Variants in KCNIP1 observed in about 807,000 individuals in gnomAD.
The protein encoded by KCNIP1 is potassium voltage-gated channel interacting protein 1, also known as A-type potassium channel modulatory protein KCNIP1.
KCNIP1 carries 18 observed loss-of-function variants against 33.0 expected under a neutral mutation model. That is an observed-to-expected ratio of 0.55 (90% confidence interval 0.38 to 0.81). KCNIP1 has a LOEUF of 0.81. Among genes scored for constraint, KCNIP1 ranks in the 30% least tolerant of loss-of-function variants. The pLI is 0.00. For synonymous variants in KCNIP1, 93 were observed against 98.3 expected, an observed-to-expected ratio of 0.95 and a Z score of 0.32; for missense variants, 238 against 271.6, an observed-to-expected ratio of 0.88 and a Z score of 0.87.
At chr5:170,509,277 G>C (rs1754839933) in intron 1 of KCNIP1, among the ~76,000 whole-genome samples, 1 of 152,204 alleles carries the variant, frequency 6.6e-6, no homozygotes, top group African/African-American at 2.4e-5. Flanking sequence ...ACAAAGGTAT[G>C]AGGAACCCAC....
At chr5:170,361,010 G>A (rs1299106538) in intron 1 of KCNIP1, among the ~76,000 whole-genome samples, 2 of 152,220 alleles carry the variant, frequency 1.3e-5, no homozygotes, top group Admixed American at 6.5e-5. Flanking sequence ...CAGCCAGAAC[G>A]ACCTGGATGA....
intron 1 of KCNIP1, among the ~76,000 whole-genome samples, chr5:170,692,564 T>G (rs903023941): frequency 1.3e-5 from 2 of 152,216 alleles, no homozygotes; most frequent in Non-Finnish European, 2.9e-5. Context: ...TTCATGCACT[T>G]ACTCCCTGTG....
chr5:170,461,311 C>A (rs1297265849), intron 1 of KCNIP1, among the ~76,000 whole-genome samples: 1 of 152,100 alleles, frequency 6.6e-6, no homozygotes, highest in Non-Finnish European at 1.5e-5. Flanking sequence ...AAAAAACAGT[C>A]TTAAAATTCA....
intron 7 of KCNIP1, among the ~76,000 whole-genome samples, chr5:170,734,764 ACATAAACATCACAGC>A (rs1405086163): frequency 6.6e-6 from 1 of 152,256 alleles, no homozygotes; most frequent in Non-Finnish European, 1.5e-5. Flanking sequence ...TCAAGCACAT[ACATAAACATCACAGC>A]CACCCTGTTA....
At chr5:170,678,928 C>T (rs1022495498) in intron 1 of KCNIP1, 1 of 152,110 alleles carries the variant, frequency 6.6e-6, no homozygotes, top group African/African-American at 2.4e-5. Context: ...ATTGACTTAC[C>T]AGAAACATGG....
chr5:170,509,979 T>C (rs1754874230), intron 1 of KCNIP1, among the ~76,000 whole-genome samples: 1 of 152,200 alleles, frequency 6.6e-6, no homozygotes, highest in African/African-American at 2.4e-5. Flanking sequence ...TGTATATTTA[T>C]CCACTCATTT....
chr5:170,419,067 A>G (rs1216042137), intron 1 of KCNIP1, among the ~76,000 whole-genome samples: 1 of 152,266 alleles, frequency 6.6e-6, no homozygotes, highest in East Asian at 1.9e-4. Flanking sequence ...TGCAAAGTCT[A>G]CGTGGTTAGT....
rs149702566 is a variant in KCNIP1, at chr5:170,610,155, C to T, written c.61+105522C>T. Among the ~76,000 whole-genome samples the T allele has an allele frequency of 7.2e-5, 11 of 152,308 alleles. No individual in the cohort carries two copies. The East Asian group carries it at 2.1e-3, about 29-fold the overall frequency. ...CTGTTAGATTGTCCCTCTCCACCCTCGAATCTGGGAGTCAGGCCCAGGCAT... is the reference window on the plus strand; with the variant it reads ...CTGTTAGATTGTCCCTCTCCACCCTTGAATCTGGGAGTCAGGCCCAGGCAT... On this transcript the variant is annotated intron_variant, in intron 1 of 7. Transcript: ENST00000328939.
At chr5:170,450,797 T>G (rs560137187) in intron 1 of KCNIP1, among the ~76,000 whole-genome samples, 18 of 152,280 alleles carry the variant, frequency 1.2e-4, no homozygotes, top group African/African-American at 4.1e-4. Flanking sequence ...ATTTTGAGGC[T>G]GATAAAATCC....
chr5:170,546,679 C>T (rs200932261), intron 1 of KCNIP1, among the ~76,000 whole-genome samples: 1 of 151,546 alleles, frequency 6.6e-6, no homozygotes, highest in East Asian at 1.9e-4. Flanking sequence ...TGCGGCTTTT[C>T]TTTTTTTTTC....
At chr5:170,701,147 T>G (rs1412650527) in intron 1 of KCNIP1, among the ~76,000 whole-genome samples, 1 of 152,106 alleles carries the variant, frequency 6.6e-6, no homozygotes, top group Non-Finnish European at 1.5e-5. Flanking sequence ...CCTCCCAACT[T>G]CCCTACCCCA....
At position 170,735,834 on chromosome 5, in the gene KCNIP1, A is replaced by C; in HGVS notation, c.*28A>C. 6.2e-7 allele frequency: 1 copy of C among 1,604,940 alleles called. No individual in the cohort carries two copies. Among genetic ancestry groups the C allele is most frequent in the Non-Finnish European group, 8.5e-7 (1 of 1,171,898 alleles). ...GGTGACACTCAGCCATTCAGCTCTCAGAGACATTGTACTAAACAACCACCT... is the reference window on the plus strand; with the variant it reads ...GGTGACACTCAGCCATTCAGCTCTCCGAGACATTGTACTAAACAACCACCT... On this transcript the variant is annotated 3_prime_UTR_variant, in exon 8 of 8. Coordinates refer to ENST00000328939, the MANE Select transcript of KCNIP1 (RefSeq NM_014592.4).
chr5:170,666,880 T>C (rs1761723453), intron 1 of KCNIP1, among the ~76,000 whole-genome samples: 1 of 152,224 alleles, frequency 6.6e-6, no homozygotes, highest in African/African-American at 2.4e-5. Context: ...TCCAGCAGAC[T>C]CTGAGGAAGT....
intron 1 of KCNIP1, among the ~76,000 whole-genome samples, chr5:170,523,332 C>T (rs762456950): frequency 6.6e-6 from 1 of 152,204 alleles, no homozygotes; most frequent in African/African-American, 2.4e-5. Context: ...CTGGGAAGCC[C>T]TCCGCCAGGA....
chr5:170,661,501 T>C (rs1761485524), intron 1 of KCNIP1, among the ~76,000 whole-genome samples: 1 of 152,080 alleles, frequency 6.6e-6, no homozygotes, highest in Admixed American at 6.6e-5. Context: ...CCTGGTTTGT[T>C]TGGGTGAACA....
intron 1 of KCNIP1, among the ~76,000 whole-genome samples, chr5:170,542,202 C>T (rs1756235740): frequency 6.6e-6 from 1 of 152,186 alleles, no homozygotes; most frequent in African/African-American, 2.4e-5. Context: ...TACTATGTGG[C>T]AGGCCGCGTC....
chr5:170,429,724 T>C (rs1239190253), intron 1 of KCNIP1, among the ~76,000 whole-genome samples: 4 of 152,228 alleles, frequency 2.6e-5, no homozygotes, highest in Non-Finnish European at 4.4e-5. Context: ...GATATTTGAC[T>C]TTCTTCACCT....
chr5:170,528,933 A>G (rs1158490082), intron 1 of KCNIP1, among the ~76,000 whole-genome samples: 1 of 152,178 alleles, frequency 6.6e-6, no homozygotes, highest in African/African-American at 2.4e-5. Flanking sequence ...GGGCAGTGTT[A>G]TTGCATGGGA....
Position 170,726,745 on chromosome 5 carries a change from C to CAAAAAAAA in KCNIP1, c.435+3937_435+3944dup, listed in dbSNP as rs57173351. Among the ~76,000 whole-genome samples the CAAAAAAAA allele has an allele frequency of 5.9e-3, 332 of 56,614 alleles. 6 individuals are homozygous for CAAAAAAAA. Among genetic ancestry groups the CAAAAAAAA allele is most frequent in the Middle Eastern group, 0.015 (1 of 68 alleles). The allele number at this position is 56,614 out of a possible 152,430, so 37.1% of individuals were successfully genotyped here. A position where few individuals can be genotyped will look rare whatever the true frequency, so the allele number is the denominator to read the frequency against. ...CGAGACACTGTCTCTACTAAAAATA[C>CAAAAAAAA]AAAAAAAAAAAAAAAAAAAGCCAGA... On this transcript the variant is annotated intron_variant, in intron 5 of 7. Transcript: ENST00000328939.
Sources: gnomAD v4.1 joint callset for allele counts (sites outside exome capture counted in the v4.1 genomes callset) on GRCh38, gnomAD v4.1.1 for gene constraint, MANE v1.5 for transcripts, NCBI Gene and HGNC (gene_info 2026-07-23, HGNC 2026-07-21) for gene names.